Variants in TEX10 observed in about 807,000 individuals in gnomAD.
The protein encoded by TEX10 is testis expressed 10, also known as testis-expressed protein 10.
Under a neutral mutation model 104.4 loss-of-function variants are expected in TEX10, and 24 were observed. The observed-to-expected ratio is 0.23, with a 90% CI of 0.17 to 0.32. The LOEUF (loss-of-function observed/expected upper bound fraction) is 0.32. Among genes scored for constraint, TEX10 ranks in the 10% least tolerant of loss-of-function variants. The pLI, the probability that TEX10 is intolerant of heterozygous loss-of-function variation, is 1.00. For missense variants in TEX10, 921 were observed against 1,083.9 expected (o/e 0.85, Z 2.11); for synonymous variants, 396 against 393.4 (o/e 1.01, Z -0.08).
chr9:100,310,109 G>C (rs1834236344), intron 12 of TEX10, among the ~76,000 whole-genome samples, 190 bp downstream of exon 12: 1 of 152,160 alleles, frequency 6.6e-6, no homozygotes, highest in African/African-American at 2.4e-5. Context: ...AGGTCACTCA[G>C]AAGTAAATTA....
chr9:100,347,149 A>G lies in TEX10; in HGVS notation c.438T>C (p.Ser146=). 2 of 1,614,212 alleles carry G rather than the reference A, an allele frequency of 1.2e-6. No homozygotes were observed. Among genetic ancestry groups the G allele is most frequent in the East Asian group, 4.5e-5 (2 of 44,886 alleles). The change falls in exon 3 of 15, where the codon TCT becomes TCC. Residue 146 remains serine (S), a synonymous_variant. Transcript: ENST00000374902. ...PFFPLVSAHL[S]SAMTHITEGI... Reference sequence around the variant, plus strand: ...CTTCAGTAATGTGAGTCATGGCACTAGAGAGATGGGCACTTACCAAAGGAA... The same window carrying G: ...CTTCAGTAATGTGAGTCATGGCACTGGAGAGATGGGCACTTACCAAAGGAA...
intron 13 of TEX10, 94 bp from the exon 14 acceptor site, chr9:100,303,936 G>T: frequency 8.0e-7 from 1 of 1,249,698 alleles, no homozygotes; most frequent in South Asian, 1.3e-5. Flanking sequence ...TCCTTTTAAG[G>T]AACATGTTTT....
At position 100,349,360 on chromosome 9, in the gene TEX10, T is replaced by C. The variant is rs754866627; in HGVS notation, c.4A>G (p.Thr2Ala). ...TCATGTTGGCGTTTTCTTTTTTTAG[T>C]CATTCTCGACTACTATAATGAAAAG... Reference protein sequence around the residue: MTKKRKRQHDFQ... With the variant: MAKKRKRQHDFQ... Residue 2 changes from threonine to alanine, a missense_variant, in exon 2 of 15, where the codon ACT (threonine) becomes GCT (alanine). By Grantham distance (58) the Thr-to-Ala change is moderately conservative (BLOSUM62 0). Transcript: ENST00000374902. 6.3e-7 allele frequency: 1 copy of C among 1,575,392 alleles called. No homozygotes were observed. The highest frequency in any genetic ancestry group is 8.6e-7 in the Non-Finnish European group (1 of 1,164,760).
At chr9:100,316,531 A>C (rs1470904507) in intron 11 of TEX10, among the ~76,000 whole-genome samples, 1 of 152,212 alleles carries the variant, frequency 6.6e-6, no homozygotes, top group Non-Finnish European at 1.5e-5. Context: ...TAGCCAGAGC[A>C]ATCAGGCAAG....
rs1418290647 is a variant in TEX10 at position 100,352,444 on chromosome 9, C to T, written c.-10+328G>A. The T allele has an allele frequency of 3.9e-6, 6 of 1,551,746 alleles. No individual in the cohort carries two copies. The East Asian group carries it at 1.5e-4, about 38-fold the overall frequency. Reference sequence around the variant, plus strand: ...CATGGGTTTTAGGAAACCATCGTTCCTCCTACTCCAAGGGACGCCGGCCAG... The same window carrying T: ...CATGGGTTTTAGGAAACCATCGTTCTTCCTACTCCAAGGGACGCCGGCCAG... On this transcript the variant is annotated intron_variant, in intron 1 of 14. Coordinates refer to ENST00000374902, the MANE Select transcript of TEX10 (RefSeq NM_017746.4).
chr9:100,319,237 A>G, intron 11 of TEX10, among the ~76,000 whole-genome samples: 1 of 152,166 alleles, frequency 6.6e-6, no homozygotes, highest in Non-Finnish European at 1.5e-5. Flanking sequence ...CAGTAACAAA[A>G]AACTTTTTAA....
At position 100,326,238 on chromosome 9, in the gene TEX10, C is replaced by A. The variant is rs148472830; in HGVS notation, c.1979+64G>T. 8.1e-5 allele frequency: 124 copies of A among 1,535,734 alleles called. No individual in the cohort carries two copies. In the African/African-American group the frequency reaches 1.5e-3, roughly 18 times the overall value. On this transcript the variant is annotated intron_variant, in intron 9 of 14. Coordinates refer to ENST00000374902, the MANE Select transcript of TEX10 (RefSeq NM_017746.4). ...GACTTCAAAAGGCTTCCGTAATTCA[C>A]AAATTACCAGTAAAAGGGGAAAAAG...
chr9:100,321,635 T>C, intron 10 of TEX10, 48 bp downstream of exon 10: 1 of 1,427,578 alleles, frequency 7.0e-7, no homozygotes. Context: ...AGAATTGTGA[T>C]TCATATTAGG....
intron 5 of TEX10, among the ~76,000 whole-genome samples, chr9:100,339,273 A>AG (rs1835101027): frequency 9.2e-6 from 1 of 108,374 alleles, no homozygotes; most frequent in African/African-American, 3.8e-5. Context: ...AAAAAAAAAA[A>AG]AGTATATATA....
rs1835329045 is a variant in TEX10 at position 100,347,498 on chromosome 9, A to G, written c.181-92T>C. On this transcript the variant is annotated intron_variant, in intron 2 of 14. Coordinates refer to ENST00000374902, the MANE Select transcript of TEX10 (RefSeq NM_017746.4). ...TAACTAACACTACACTAGTAAACTG[A>G]CACTCCTTGGGGAAACTGCTTCAAT... 5 of 978,114 alleles carry G rather than the reference A, an allele frequency of 5.1e-6. No individual in the cohort carries two copies. The East Asian group carries it at 1.4e-4, about 27-fold the overall frequency. 60.6% of individuals were successfully genotyped at this position (978,114 alleles called of 1,614,324 possible).
chr9:100,314,531 A>G (rs1276707625), intron 11 of TEX10, among the ~76,000 whole-genome samples: 1 of 152,142 alleles, frequency 6.6e-6, no homozygotes, highest in African/African-American at 2.4e-5. Flanking sequence ...TTGTAGGTAT[A>G]TAGTTGTTTG....
intron 13 of TEX10, chr9:100,307,821 A>G (rs143678895): frequency 2.3e-4 from 35 of 152,254 alleles, no homozygotes; most frequent in African/African-American, 8.4e-4. Context: ...CATTCAGTAT[A>G]TGTATTTTCA....
At chr9:100,352,222 A>G (rs1835471212) in intron 1 of TEX10, among the ~76,000 whole-genome samples, 1 of 152,134 alleles carries the variant, frequency 6.6e-6, no homozygotes, top group Admixed American at 6.5e-5. Context: ...AGTTCCTCCA[A>G]ACTCCACTGA....
At chr9:100,338,034 T>C (rs767184663) in intron 5 of TEX10, among the ~76,000 whole-genome samples, 7 of 152,232 alleles carry the variant, frequency 4.6e-5, no homozygotes, top group Non-Finnish European at 8.8e-5. Flanking sequence ...AGTCGCCCTC[T>C]ATACTCTGCT....
intron 4 of TEX10, 30 bp from the exon 5 acceptor site, chr9:100,340,399 T>A (rs1275063995): frequency 7.4e-7 from 1 of 1,356,734 alleles, no homozygotes; most frequent in Non-Finnish European, 1.0e-6. Flanking sequence ...TAGAAAAATC[T>A]ACAAGAAAAA....
chr9:100,351,380 CA>C (rs200782848), intron 1 of TEX10, among the ~76,000 whole-genome samples: 7 of 72,784 alleles, frequency 9.6e-5, no homozygotes, highest in Admixed American at 1.4e-4. Flanking sequence ...CAAAACAAAA[CA>C]AAAAAAAAAG....
intron 14 of TEX10, 23 bp from the exon 15 acceptor site, chr9:100,302,327 T>TC (rs775141829): frequency 6.5e-7 from 1 of 1,542,640 alleles, no homozygotes; most frequent in South Asian, 1.1e-5. Flanking sequence ...ACAAGAGTAA[T>TC]CTGAGAACTG....
At chr9:100,343,783 G>C (rs941344714) in intron 4 of TEX10, among the ~76,000 whole-genome samples, 1 of 152,120 alleles carries the variant, frequency 6.6e-6, no homozygotes, top group Admixed American at 6.5e-5. Flanking sequence ...GAGAGAAAAA[G>C]AGTTACAATT....
At chr9:100,311,204 C>T (rs1024613082) in intron 11 of TEX10, among the ~76,000 whole-genome samples, 2 of 151,978 alleles carry the variant, frequency 1.3e-5, no homozygotes, top group Admixed American at 1.3e-4. Flanking sequence ...TGAAACCAGC[C>T]TGGGCAACAT....
Sources: gnomAD v4.1 joint callset for allele counts (sites outside exome capture counted in the v4.1 genomes callset) on GRCh38, gnomAD v4.1.1 for gene constraint, MANE v1.5 for transcripts, NCBI Gene and HGNC (gene_info 2026-07-23, HGNC 2026-07-21) for gene names.